LMCD1: variants seen among roughly 807,000 people sequenced by gnomAD.
LMCD1 encodes the protein LIM and cysteine rich domains 1.
In LMCD1, 32 loss-of-function variants were observed where a neutral mutation model predicts 42.7. The observed-to-expected ratio is 0.75, with a 90% confidence interval of 0.57 to 1.01. The LOEUF is 1.01. Ranked by LOEUF, LMCD1 falls within the 50% of genes least tolerant of loss-of-function variation. LMCD1 has a pLI of 0.00. For synonymous variants in LMCD1, 178 were observed against 184.9 expected, an observed-to-expected ratio of 0.96 and a Z score of 0.30; for missense variants, 458 against 483.1, an observed-to-expected ratio of 0.95 and a Z score of 0.49.
rs560405767 is a variant in LMCD1 at position 8,524,345 on chromosome 3, G to A, written c.43-8392G>A. On this transcript the variant is annotated intron_variant, in intron 1 of 5. Coordinates refer to ENST00000157600, the MANE Select transcript of LMCD1 (RefSeq NM_014583.4). ...GGGGAGGGTTTGGGGACCACCCCTC[G>A]CCTCAGGCAGGGCAGAGGGTCTCAG... 3.3e-5 allele frequency among the ~76,000 whole-genome samples: 5 copies of A among 152,170 alleles called. No individual in the cohort carries two copies. In the East Asian group the frequency reaches 7.7e-4, roughly 24 times the overall value.
rs1414608408 is a variant in LMCD1 at position 8,543,440 on chromosome 3, T to TAGATAGATAGATAGATAGAC, written c.388-5125_388-5124insTAGATAGATAGATAGACAGA. ...ATAGATAGATAGATAGATAGATAGA[T>TAGATAGATAGATAGATAGAC]AGACAGACAGACAGAGAGATAGACA... On this transcript the variant is annotated intron_variant, in intron 3 of 5. Transcript: ENST00000157600. Among the ~76,000 whole-genome samples, 130 of 134,234 alleles carry TAGATAGATAGATAGATAGAC rather than the reference T, an allele frequency of 9.7e-4. 2 individuals are homozygous for TAGATAGATAGATAGATAGAC. The highest frequency in any genetic ancestry group is 4.0e-3 in the East Asian group (19 of 4,764). 88.1% of individuals were successfully genotyped at this position (134,234 alleles called of 152,430 possible). A position where few individuals can be genotyped will look rare whatever the true frequency, so the allele number is the denominator to read the frequency against.
chr3:8,546,034 G>C (rs1694729061), intron 3 of LMCD1, among the ~76,000 whole-genome samples: 1 of 152,178 alleles, frequency 6.6e-6, no homozygotes, highest in Non-Finnish European at 1.5e-5. Context: ...TTCTCCTGCT[G>C]AGGCAGGAGA....
At chr3:8,512,600 G>A (rs73016382) in intron 1 of LMCD1, among the ~76,000 whole-genome samples, 6,561 of 152,216 alleles carry the variant, frequency 0.043, 209 homozygotes, top group South Asian at 0.14. Flanking sequence ...AGACCTCAAT[G>A]GCCCATGGGG....
chr3:8,565,600 C>T lies in LMCD1; in HGVS notation c.892C>T (p.Arg298Cys), dbSNP rs780162833. Residue 298 changes from arginine to cysteine, a missense_variant, in exon 5 of 6, where the codon CGC becomes TGC. Coordinates refer to ENST00000157600, the MANE Select transcript of LMCD1 (RefSeq NM_014583.4). ...GAAGGATGGTGCACCCTGGTGCGGC[C>T]GCCATTACTGCGAGAGTCTGCGGCC... Reference protein sequence around the residue: ...FWKDGAPWCGRHYCESLRPRC... With the variant: ...FWKDGAPWCGCHYCESLRPRC... 1 of 1,612,416 alleles carries T rather than the reference C, an allele frequency of 6.2e-7. No individual in the cohort carries two copies. The highest frequency in any genetic ancestry group is 8.5e-7 in the Non-Finnish European group (1 of 1,179,470).
chr3:8,570,435 T>G lies in LMCD1; in HGVS notation c.*2837T>G, dbSNP rs938102969. ...GTCACACCATCATGGATGGGCATTA[T>G]CTCCCACAACAGTCCCCATGGGGCA... On this transcript the variant is annotated 3_prime_UTR_variant, in exon 6 of 6. Coordinates refer to ENST00000157600, the MANE Select transcript of LMCD1 (RefSeq NM_014583.4). 1 of 152,292 alleles carries G rather than the reference T, an allele frequency of 6.6e-6. No individual in the cohort carries two copies. Among genetic ancestry groups the G allele is most frequent in the Non-Finnish European group, 1.5e-5 (1 of 68,108 alleles). The allele number at this position is 152,292 out of a possible 1,614,324, so 9.4% of individuals were successfully genotyped here.
At chr3:8,540,589 C>T (rs898975501) in intron 3 of LMCD1, among the ~76,000 whole-genome samples, 2 of 152,136 alleles carry the variant, frequency 1.3e-5, no homozygotes, top group Non-Finnish European at 2.9e-5. Context: ...CCAGGCCAGG[C>T]GAACTGGCAG....
At chr3:8,558,994 A>G (rs1229757177) in intron 4 of LMCD1, among the ~76,000 whole-genome samples, 1 of 150,724 alleles carries the variant, frequency 6.6e-6, no homozygotes, top group African/African-American at 2.4e-5. Flanking sequence ...TCTAGGGGAT[A>G]CTGAGGCAGG....
chr3:8,544,191 C>T (rs1270931687), intron 3 of LMCD1, among the ~76,000 whole-genome samples: 1 of 152,172 alleles, frequency 6.6e-6, no homozygotes, highest in Non-Finnish European at 1.5e-5. Flanking sequence ...AGGGACTTCT[C>T]ATGACGGTCA....
rs1695236703 is a variant in LMCD1, at chr3:8,572,554, A to G, written c.*4956A>G. Reference sequence around the variant, plus strand: ...GCCAAATGTTGGTTTTTCTAATTCAATCATTTCTTTAGTGTTTATTAGCAT... The same window carrying G: ...GCCAAATGTTGGTTTTTCTAATTCAGTCATTTCTTTAGTGTTTATTAGCAT... On this transcript the variant is annotated 3_prime_UTR_variant, in exon 6 of 6. Coordinates refer to ENST00000157600, the MANE Select transcript of LMCD1 (RefSeq NM_014583.4). 1 of 152,158 alleles carries G rather than the reference A, an allele frequency of 6.6e-6. No homozygotes were observed. Among genetic ancestry groups the G allele is most frequent in the Non-Finnish European group, 1.5e-5 (1 of 68,036 alleles). The allele number at this position is 152,158 out of a possible 1,614,324, so 9.4% of individuals were successfully genotyped here.
At chr3:8,556,440 C>T (rs1694934972) in intron 4 of LMCD1, among the ~76,000 whole-genome samples, 2 of 150,466 alleles carry the variant, frequency 1.3e-5, no homozygotes, top group African/African-American at 4.9e-5. Context: ...TGGATCAGGA[C>T]GTGTAATGTA....
At chr3:8,503,331 A>T (rs999364764) in intron 1 of LMCD1, among the ~76,000 whole-genome samples, 3 of 152,222 alleles carry the variant, frequency 2.0e-5, no homozygotes, top group Admixed American at 1.3e-4. Flanking sequence ...ACCCTGTCAC[A>T]GAGTCCAGTG....
chr3:8,530,392 GTGCTCTGCTC>G (rs1180571847), intron 1 of LMCD1, among the ~76,000 whole-genome samples: 1 of 152,216 alleles, frequency 6.6e-6, no homozygotes, highest in Non-Finnish European at 1.5e-5. Context: ...TCACCGGCGA[GTGCTCTGCTC>G]TGCTCTGCTG....
intron 4 of LMCD1, 60 bp from the exon 5 acceptor site, chr3:8,565,371 AC>A: frequency 6.8e-7 from 1 of 1,462,586 alleles, no homozygotes; most frequent in Non-Finnish European, 9.6e-7. Context: ...TGGAATTCGA[AC>A]CCATGTCACT....
At chr3:8,511,292 C>T (rs1357769588) in intron 1 of LMCD1, among the ~76,000 whole-genome samples, 1 of 152,198 alleles carries the variant, frequency 6.6e-6, no homozygotes, top group Non-Finnish European at 1.5e-5. Context: ...TTTAAACTCA[C>T]CTTTGATTTG....
intron 2 of LMCD1, among the ~76,000 whole-genome samples, chr3:8,535,774 C>T (rs1694497122): frequency 6.6e-6 from 1 of 152,208 alleles, no homozygotes; most frequent in Admixed American, 6.5e-5. Context: ...CCTTAAAGGT[C>T]ACAACAAGGC....
At chr3:8,537,539 C>T (rs772332985) in intron 3 of LMCD1, 99 bp downstream of exon 3, 58 of 1,340,560 alleles carry the variant, frequency 4.3e-5, no homozygotes, top group Non-Finnish European at 5.8e-5. Flanking sequence ...GGCAAGAGCT[C>T]AAGGTCACAA....
chr3:8,525,974 T>C (rs745398129), intron 1 of LMCD1, among the ~76,000 whole-genome samples: 2 of 152,176 alleles, frequency 1.3e-5, no homozygotes, highest in East Asian at 1.9e-4. Flanking sequence ...CCCTCGATAC[T>C]CAAAGCGTGG....
At chr3:8,559,231 A>T (rs977401802) in intron 4 of LMCD1, among the ~76,000 whole-genome samples, 1 of 152,202 alleles carries the variant, frequency 6.6e-6, no homozygotes, top group African/African-American at 2.4e-5. Context: ...CCTTGGTATC[A>T]TGGAAGGAAA....
rs534781867 is a variant in LMCD1, at chr3:8,570,185, C to A, written c.*2587C>A. On this transcript the variant is annotated 3_prime_UTR_variant, in exon 6 of 6. Transcript: ENST00000157600. ...AAAGAAAACTGGTGTGGCAGGAGCA[C>A]AGAGCATGGTGAGGAGGGTGGGCCT... 1.6e-4 allele frequency: 25 copies of A among 152,514 alleles called. No homozygotes were observed. Among genetic ancestry groups the A allele is most frequent in the African/African-American group, 5.1e-4 (21 of 41,516 alleles). 9.4% of individuals were successfully genotyped at this position (152,514 alleles called of 1,614,324 possible).
Sources: gnomAD v4.1 joint callset for allele counts (sites outside exome capture counted in the v4.1 genomes callset) on GRCh38, gnomAD v4.1.1 for gene constraint, MANE v1.5 for transcripts, NCBI Gene and HGNC (gene_info 2026-07-23, HGNC 2026-07-21) for gene names.